Variants in HMCN2 observed in about 807,000 individuals in gnomAD.
HMCN2 encodes hemicentin-2.
A neutral mutation model predicts 377.5 loss-of-function variants in HMCN2; 325 were observed. The ratio of observed to expected loss-of-function variants is 0.86; its 90% confidence interval spans 0.79 to 0.94. The LOEUF is 0.94. HMCN2 is among the 40% of genes least tolerant of loss of function. HMCN2 has a pLI of 0.00. For missense variants in HMCN2, 4,543 were observed against 4,725.3 expected (o/e 0.96, Z 1.13); for synonymous variants, 2,007 against 2,046.8 (o/e 0.98, Z 0.53).
At position 130,393,456 on chromosome 9, in the gene HMCN2, A is replaced by G. The variant is rs959808152; in HGVS notation, c.10234+147A>G. 8.5e-6 allele frequency: 4 copies of G among 471,312 alleles called. No homozygotes were observed. Among genetic ancestry groups the G allele is most frequent in the Admixed American group, 1.0e-4 (2 of 19,210 alleles). 29.2% of individuals were successfully genotyped at this position (471,312 alleles called of 1,614,324 possible). ...GACACTGCGGCTCAGTCTCTGACTC[A>G]CTGTATTGCTCGTTTGTACCTCACA... is the stretch of plus-strand genomic sequence containing the variant. On this transcript the variant is annotated intron_variant, in intron 67 of 97. Transcript: ENST00000683500. The surrounding 1 kb of genome is among the most constrained non-coding windows in gnomAD (Gnocchi z 5.2).
chr9:130,402,748 G>A (rs1337329806), intron 77 of HMCN2, 41 bp from the exon 78 acceptor site: 1 of 1,224,250 alleles, frequency 8.2e-7, no homozygotes, highest in Non-Finnish European at 1.1e-6. Flanking sequence ...CATCCCTGGG[G>A]ACCTCTGTCC....
At chr9:130,331,600 C>T (rs912491623) in intron 22 of HMCN2, among the ~76,000 whole-genome samples, 3 of 151,974 alleles carry the variant, frequency 2.0e-5, no homozygotes, top group African/African-American at 4.8e-5. Context: ...TCAAACAAGA[C>T]CCTTCCCCTC....
At chr9:130,352,592 TC>T (rs1209546179) in intron 30 of HMCN2, among the ~76,000 whole-genome samples, 2 of 152,134 alleles carry the variant, frequency 1.3e-5, no homozygotes, top group Non-Finnish European at 2.9e-5. Flanking sequence ...CCTCATCTAG[TC>T]CAGCCTCTCA....
chr9:130,382,627 C>T, intron 55 of HMCN2, 52 bp from the exon 56 acceptor site: 1 of 776,614 alleles, frequency 1.3e-6, no homozygotes, highest in African/African-American at 1.9e-5. Context: ...ACGGCCACCC[C>T]CGCCCCCAGG....
rs897413929 is a variant in HMCN2, at chr9:130,285,307, G to T, written c.480G>T (p.Lys160Asn). 6.4e-6 allele frequency: 3 copies of T among 471,154 alleles called. No individual in the cohort carries two copies. The allele number at this position is 471,154 out of a possible 1,614,324, so 29.2% of individuals were successfully genotyped here. A position where few individuals can be genotyped will look rare whatever the true frequency, so the allele number is the denominator to read the frequency against. ...AGCTGCTGCGGCTCCTGCAGCTCAA[G>T]CAATCACAGGTGGGTGAGCCGGCTG... ...KEELLRLLQLKQSQVVFVLTG... is the reference protein window; with the variant it reads ...KEELLRLLQLNQSQVVFVLTG... Residue 160 changes from lysine (K) to asparagine (N), a missense_variant, in exon 3 of 98, where the codon AAG becomes AAT. Around this residue, in one of 5 missense-constraint regions of HMCN2, gnomAD observed 547 missense variants for 189.9 expected, o/e 2.88. Coordinates refer to ENST00000683500, the MANE Select transcript of HMCN2 (RefSeq NM_001291815.2).
chr9:130,386,039 G>A (rs988220421), intron 60 of HMCN2, among the ~76,000 whole-genome samples: 6 of 152,118 alleles, frequency 3.9e-5, no homozygotes, highest in African/African-American at 7.2e-5. Flanking sequence ...GGTCCGCTCC[G>A]GCTGACCATC....
chr9:130,414,356 T>G lies in HMCN2; in HGVS notation c.12961+3704T>G, dbSNP rs939925517. Among the ~76,000 whole-genome samples the G allele has an allele frequency of 6.6e-6, 1 of 152,162 alleles. No homozygotes were observed. The highest frequency in any genetic ancestry group is 2.4e-5 in the African/African-American group (1 of 41,426). The stretch of plus-strand genomic sequence containing the variant: ...ACCCCTCCCTGTTCCGGGCTGACCA[T>G]GGAAGCCTCATAGGGAACCTGGGCT... On this transcript the variant is annotated intron_variant, in intron 85 of 97. Transcript: ENST00000683500. This position sits in a 1 kb window ranked among gnomAD's most constrained non-coding sequence, Gnocchi z 4.4.
chr9:130,370,675 C>G (rs1254042586), intron 45 of HMCN2, among the ~76,000 whole-genome samples: 4 of 152,252 alleles, frequency 2.6e-5, no homozygotes, highest in Non-Finnish European at 4.4e-5. Flanking sequence ...TGCCCAGATA[C>G]TGGACTGGGC....
intron 24 of HMCN2, among the ~76,000 whole-genome samples, chr9:130,342,060 T>A (rs1460816010): frequency 6.7e-6 from 1 of 150,100 alleles, no homozygotes; most frequent in Non-Finnish European, 1.5e-5. Context: ...AATAAATAAA[T>A]AAAAGCTTGG....
In HMCN2 at chr9:130,426,004, C is replaced by CACCCGGCTGGAATG. The variant is rs1564884637; in HGVS notation, c.13879+80_13879+81insACCCGGCTGGAATG. On this transcript the variant is annotated intron_variant, in intron 90 of 97. Coordinates refer to ENST00000683500, the MANE Select transcript of HMCN2 (RefSeq NM_001291815.2). ...GGGCCCAAATGCACGTGGCTGGAAT[C>CACCCGGCTGGAATG]CACCCCTGCCCCTAACATCCACTGA... 82 of 1,046,342 alleles carry CACCCGGCTGGAATG rather than the reference C, an allele frequency of 7.8e-5. No individual in the cohort carries two copies. In the African/African-American group the frequency reaches 1.2e-3, roughly 16 times the overall value. 64.8% of individuals were successfully genotyped at this position (1,046,342 alleles called of 1,614,324 possible).
chr9:130,295,022 G>T lies in HMCN2; in HGVS notation c.780G>T (p.Pro260=), dbSNP rs553754126. The change falls in exon 5 of 98, where the codon CCG becomes CCT. Residue 260 remains proline (P), a synonymous_variant. Coordinates refer to ENST00000683500, the MANE Select transcript of HMCN2 (RefSeq NM_001291815.2). ...GGCCTGAGATTGAAGTCCAAGATCC[G>T]CTGGGTATGGACCACCCCGGGGCTG... ...GPGPEIEVQD[P]LGRILQEDEG... The T allele has an allele frequency of 1.1e-5, 5 of 467,840 alleles. No homozygotes were observed. The highest frequency in any genetic ancestry group is 7.0e-5 in the East Asian group (1 of 14,222). 29.0% of individuals were successfully genotyped at this position (467,840 alleles called of 1,614,324 possible).
chr9:130,353,646 G>T (rs934084056), intron 31 of HMCN2, among the ~76,000 whole-genome samples: 3 of 152,214 alleles, frequency 2.0e-5, no homozygotes, highest in East Asian at 1.9e-4. Flanking sequence ...ACAGATGGTC[G>T]CAGTGAAGCT....
At chr9:130,311,047 C>T (rs972870135) in intron 15 of HMCN2, among the ~76,000 whole-genome samples, 7 of 152,192 alleles carry the variant, frequency 4.6e-5, no homozygotes, top group Admixed American at 6.5e-5. Flanking sequence ...CTGTGACTTC[C>T]GGGATGTCTC....
intron 33 of HMCN2, 117 bp downstream of exon 33, chr9:130,355,971 C>A: frequency 1.1e-6 from 1 of 901,304 alleles, no homozygotes; most frequent in Non-Finnish European, 1.5e-6. Flanking sequence ...AGGAAAGAGG[C>A]CTGGAGCCAC....
intron 94 of HMCN2, 111 bp from the exon 95 acceptor site, chr9:130,430,173 G>A (rs1043495731): frequency 8.9e-6 from 8 of 899,722 alleles, no homozygotes; most frequent in Non-Finnish European, 1.2e-5. Context: ...GCATGGGAGT[G>A]GCTGGATTCT....
Position 130,349,014 on chromosome 9 carries a change from G to C in HMCN2, c.4186G>C (p.Asp1396His). ...TAAGGTGGGCGGCCACCGCCTCCTG[G>C]ACGAGGGCCAGTCCCTCCACTTCCC... ...IPKVGGHRLL[D>H]EGQSLHFPRI... is the part of the protein sequence containing the mutation. The change falls in exon 28 of 98, where the codon GAC becomes CAC. Residue 1396 changes from aspartate (D) to histidine (H), a missense_variant. By Grantham distance (81) the Asp-to-His change is moderately conservative (BLOSUM62 -1). Transcript: ENST00000683500. The C allele has an allele frequency of 7.7e-7, 1 of 1,304,170 alleles. No individual in the cohort carries two copies. The highest frequency in any genetic ancestry group is 1.0e-6 in the Non-Finnish European group (1 of 988,912). The allele number at this position is 1,304,170 out of a possible 1,614,324, so 80.8% of individuals were successfully genotyped here.
At chr9:130,416,081 C>T (rs1326946987) in intron 85 of HMCN2, among the ~76,000 whole-genome samples, 3 of 150,328 alleles carry the variant, frequency 2.0e-5, no homozygotes, top group South Asian at 2.1e-4. Flanking sequence ...CTGTTCTTAT[C>T]CAAAGTTCTA....
intron 14 of HMCN2, among the ~76,000 whole-genome samples, chr9:130,307,977 A>C (rs1836981733): frequency 6.6e-6 from 1 of 152,030 alleles, no homozygotes; most frequent in African/African-American, 2.4e-5. Context: ...TTTTTTTGAG[A>C]CAAGAGTCTC....
At chr9:130,267,133 A>G (rs1287623469) in intron 1 of HMCN2, among the ~76,000 whole-genome samples, 1 of 151,568 alleles carries the variant, frequency 6.6e-6, no homozygotes, top group Admixed American at 6.6e-5. Context: ...TTTTATAGAC[A>G]TGGAGTCTCT....
Sources: gnomAD v4.1 joint callset for allele counts (sites outside exome capture counted in the v4.1 genomes callset) on GRCh38, gnomAD v4.1.1 for gene constraint, gnomAD v4.1.1 regional missense constraint, Gnocchi (gnomAD v3.1) non-coding constraint, MANE v1.5 for transcripts, NCBI Gene and HGNC (gene_info 2026-07-23, HGNC 2026-07-21) for gene names.